The following UNC80 variants were observed in gnomAD, a reference collection of about 807,000 sequenced individuals.
UNC80 encodes unc-80 subunit of NALCN channel complex.
UNC80 carries 164 observed loss-of-function variants against 384.6 expected under a neutral mutation model. The observed-to-expected ratio is 0.43, with a 90% CI of 0.38 to 0.49. The LOEUF (loss-of-function observed/expected upper bound fraction) is 0.49, where lower values mean the gene tolerates loss of function less well. Among genes scored for constraint, UNC80 ranks in the 20% least tolerant of loss-of-function variants. The pLI is 0.00. For missense variants in UNC80, 3,330 were observed against 4,143.0 expected (o/e 0.80, Z 5.39); for synonymous variants, 1,486 against 1,527.8 (o/e 0.97, Z 0.64).
intron 54 of UNC80, 124 bp downstream of exon 54, chr2:209,971,081 T>A: frequency 7.8e-7 from 1 of 1,284,116 alleles, no homozygotes; most frequent in Non-Finnish European, 1.0e-6. Flanking sequence ...TAAACATCTC[T>A]AAACTTTTAT....
intron 25 of UNC80, among the ~76,000 whole-genome samples, chr2:209,886,414 C>CA (rs2085812455): frequency 6.6e-6 from 1 of 151,150 alleles, no homozygotes; most frequent in African/African-American, 2.4e-5. Flanking sequence ...CCCATATCTA[C>CA]AAAAAAATTA....
Position 209,817,137 on chromosome 2 carries a change from G to A in UNC80, c.1552+12G>A. 1 of 1,550,642 alleles carries A rather than the reference G, an allele frequency of 6.4e-7. No homozygotes were observed. Among genetic ancestry groups the A allele is most frequent in the Non-Finnish European group, 8.7e-7 (1 of 1,146,596 alleles). ...AACCACCATTTTAGGTGACCACAAGGCCTTCCAAAATAGGGCAGAGTTTAA... is the reference window on the plus strand; with the variant it reads ...AACCACCATTTTAGGTGACCACAAGACCTTCCAAAATAGGGCAGAGTTTAA... On this transcript the variant is annotated intron_variant, in intron 10 of 64. Transcript: ENST00000673920.
At chr2:209,982,690 A>G (rs1194058930) in intron 60 of UNC80, 1 of 159,078 alleles carries the variant, frequency 6.3e-6, no homozygotes, top group Non-Finnish European at 1.4e-5. Context: ...TAGGCTTCTG[A>G]TATATTATTA....
At chr2:209,935,623 C>A in intron 39 of UNC80, 91 bp from the exon 40 acceptor site, 1 of 532,558 alleles carries the variant, frequency 1.9e-6, no homozygotes, top group South Asian at 4.6e-5. Flanking sequence ...GTAAAAACAT[C>A]AGCTTATTGA....
intron 7 of UNC80, chr2:209,808,954 A>G (rs372528394): frequency 1.4e-4 from 45 of 316,084 alleles, no homozygotes; most frequent in African/African-American, 8.5e-4. Context: ...GCCAACACTC[A>G]TCTGGGACGC....
intron 53 of UNC80, 105 bp from the exon 54 acceptor site, chr2:209,970,727 C>G: frequency 7.3e-7 from 1 of 1,369,836 alleles, no homozygotes; most frequent in Non-Finnish European, 9.8e-7. Flanking sequence ...ACATGTCCAA[C>G]CTTCAATTTA....
chr2:209,980,625 A>G (rs572732694), intron 59 of UNC80, among the ~76,000 whole-genome samples: 1 of 152,350 alleles, frequency 6.6e-6, no homozygotes, highest in African/African-American at 2.4e-5. Context: ...CTTACATTCA[A>G]TAATCAGACT....
chr2:209,912,776 G>A, intron 30 of UNC80, 109 bp downstream of exon 30: 1 of 700,758 alleles, frequency 1.4e-6, no homozygotes, highest in Admixed American at 3.2e-5. Flanking sequence ...GTACAGTGTT[G>A]GCATAAAGCC....
At chr2:209,974,415 A>G (rs2092958166) in intron 56 of UNC80, among the ~76,000 whole-genome samples, 1 of 152,216 alleles carries the variant, frequency 6.6e-6, no homozygotes, top group Non-Finnish European at 1.5e-5. Context: ...GATTGCACAG[A>G]GGATGATGGA....
intron 6 of UNC80, 107 bp downstream of exon 6, chr2:209,789,712 A>T (rs756197559): frequency 1.1e-5 from 8 of 730,410 alleles, no homozygotes; most frequent in Non-Finnish European, 1.8e-5. Flanking sequence ...GCTCAAAGCC[A>T]CTCCTCCTTT....
At chr2:209,905,551 C>A (rs1015124215) in intron 29 of UNC80, among the ~76,000 whole-genome samples, 3 of 152,130 alleles carry the variant, frequency 2.0e-5, no homozygotes, top group Admixed American at 6.5e-5. Context: ...TCAGAAGCAA[C>A]CACAGCCCCG....
chr2:209,824,867 C>T (rs1162040129), intron 13 of UNC80, among the ~76,000 whole-genome samples: 1 of 152,198 alleles, frequency 6.6e-6, no homozygotes, highest in Non-Finnish European at 1.5e-5. Context: ...GTTTATGCGT[C>T]AACCCAATCA....
intron 25 of UNC80, among the ~76,000 whole-genome samples, chr2:209,882,689 A>G (rs374267136): frequency 1.9e-4 from 29 of 152,328 alleles, no homozygotes; most frequent in African/African-American, 7.0e-4. Flanking sequence ...CTCTATCAGT[A>G]TTATCCCTAT....
intron 47 of UNC80, among the ~76,000 whole-genome samples, chr2:209,949,826 A>G (rs1479553730): frequency 2.3e-5 from 3 of 128,988 alleles, no homozygotes; most frequent in Admixed American, 8.9e-5. Flanking sequence ...TTTGGTATGG[A>G]TTAGCTTTTT....
At chr2:209,948,334 T>C (rs1483192551) in intron 47 of UNC80, among the ~76,000 whole-genome samples, 1 of 152,158 alleles carries the variant, frequency 6.6e-6, no homozygotes, top group Non-Finnish European at 1.5e-5. Context: ...TCATCAACAC[T>C]TGTTATCTTC....
Position 209,786,107 on chromosome 2 carries a change from A to G in UNC80, c.642A>G (p.Ile214Met). The G allele has an allele frequency of 6.2e-7, 1 of 1,614,024 alleles. No individual in the cohort carries two copies. Among genetic ancestry groups the G allele is most frequent in the Non-Finnish European group, 8.5e-7 (1 of 1,179,934 alleles). ...TCCGTCTGGCCAGTGGGCTTGTTAT[A>G]TGGCAGCCCATGTGGGAACACAGAC... is the stretch of plus-strand genomic sequence containing the variant. ...LTFRLASGLV[I>M]WQPMWEHRQP... The change falls in exon 5 of 65, where the codon ATA (isoleucine) becomes ATG (methionine). Residue 214 changes from isoleucine (I) to methionine (M), a missense_variant. Coordinates refer to ENST00000673920, the MANE Select transcript of UNC80 (RefSeq NM_001371986.1).
chr2:209,977,808 G>T (rs993499620), intron 58 of UNC80, among the ~76,000 whole-genome samples: 4 of 152,100 alleles, frequency 2.6e-5, no homozygotes, highest in Admixed American at 2.6e-4. Flanking sequence ...TACTGAGGAA[G>T]GAAAATAAAT....
intron 47 of UNC80, among the ~76,000 whole-genome samples, chr2:209,946,295 A>C (rs2091911353): frequency 6.6e-6 from 1 of 151,878 alleles, no homozygotes; most frequent in Admixed American, 6.6e-5. Context: ...GCTTAATCCC[A>C]GGCGGTCAAG....
intron 14 of UNC80, among the ~76,000 whole-genome samples, chr2:209,826,313 AT>A (rs1471683510): frequency 6.6e-6 from 1 of 152,200 alleles, no homozygotes; most frequent in African/African-American, 2.4e-5. Context: ...AATATATATA[AT>A]TGGAATGTGT....
Sources: allele counts gnomAD v4.1 joint callset (sites outside exome capture counted in the v4.1 genomes callset), GRCh38; gene constraint gnomAD v4.1.1; transcripts MANE v1.5; gene names NCBI Gene and HGNC (gene_info 2026-07-23, HGNC 2026-07-21).